The following C10orf67 variants were observed in gnomAD, a reference collection of about 807,000 sequenced individuals.
C10orf67 encodes uncharacterized protein C10orf67, mitochondrial.
In C10orf67, 60 loss-of-function variants were observed where a neutral mutation model predicts 35.6. That is an observed-to-expected ratio of 1.68 (90% CI 1.37 to 2.09). C10orf67 has a LOEUF of 2.09. C10orf67 is among the 30% of genes most tolerant of loss of function. The pLI is 0.00. For synonymous variants in C10orf67, 167 were observed against 115.8 expected, an observed-to-expected ratio of 1.44 and a Z score of -2.84; for missense variants, 474 against 330.2, an observed-to-expected ratio of 1.44 and a Z score of -3.38.
intron 2 of C10orf67, among the ~76,000 whole-genome samples, chr10:23,326,234 A>G (rs1220137516): frequency 6.6e-6 from 1 of 152,192 alleles, no homozygotes; most frequent in East Asian, 1.9e-4. Flanking sequence ...ACTTAGGTAC[A>G]TAATAATCAA....
intron 15 of C10orf67, among the ~76,000 whole-genome samples, chr10:23,223,360 C>A (rs1437964892): frequency 6.6e-6 from 1 of 152,116 alleles, no homozygotes; most frequent in East Asian, 1.9e-4. Context: ...GGATTACAGG[C>A]ATGAGCCATT....
chr10:23,273,477 T>C (rs1460214637), intron 8 of C10orf67, among the ~76,000 whole-genome samples: 2 of 152,222 alleles, frequency 1.3e-5, no homozygotes, highest in East Asian at 3.8e-4. Context: ...AAAATATATT[T>C]ATCTTCACTC....
chr10:23,301,008 G>C (rs1020477649), intron 5 of C10orf67, among the ~76,000 whole-genome samples: 1 of 152,182 alleles, frequency 6.6e-6, no homozygotes, highest in Non-Finnish European at 1.5e-5. Flanking sequence ...ATAGCCATCA[G>C]GGTTATCTGA....
intron 13 of C10orf67, among the ~76,000 whole-genome samples, chr10:23,235,410 T>C (rs1842023121): frequency 6.6e-6 from 1 of 152,062 alleles, no homozygotes; most frequent in South Asian, 2.1e-4. Flanking sequence ...AGGAAAAAAA[T>C]GTTTGTAATA....
At chr10:23,217,385 G>GTAA (rs1205985808) in intron 15 of C10orf67, among the ~76,000 whole-genome samples, 5 of 152,234 alleles carry the variant, frequency 3.3e-5, no homozygotes, top group African/African-American at 1.2e-4. Flanking sequence ...GGTACACTTG[G>GTAA]TAAGCCCATG....
In C10orf67 at chr10:23,214,168, A is replaced by G. The variant is rs1471742908; in HGVS notation, c.1570+9430T>C. Among the ~76,000 whole-genome samples, 5 of 152,128 alleles carry G rather than the reference A, an allele frequency of 3.3e-5. No homozygotes were observed. The East Asian group carries it at 9.6e-4, about 29-fold the overall frequency. On this transcript the variant is annotated intron_variant, in intron 15 of 15. Coordinates refer to ENST00000636213, the MANE Select transcript of C10orf67 (RefSeq NM_001371909.1). ...ATTTAACATAGCTTTAAAATGTATAACAAAAAACTGACAGAATTACTAACA... is the reference window on the plus strand; with the variant it reads ...ATTTAACATAGCTTTAAAATGTATAGCAAAAAACTGACAGAATTACTAACA...
intron 13 of C10orf67, among the ~76,000 whole-genome samples, chr10:23,229,486 G>T (rs1016471305): frequency 2.0e-5 from 3 of 151,472 alleles, no homozygotes; most frequent in Non-Finnish European, 2.9e-5. Flanking sequence ...TAATGTAAAT[G>T]ATGAGTTAAC....
At chr10:23,292,540 C>T (rs1043290327) in intron 5 of C10orf67, among the ~76,000 whole-genome samples, 1 of 152,096 alleles carries the variant, frequency 6.6e-6, no homozygotes, top group African/African-American at 2.4e-5. Flanking sequence ...AAAATAATTT[C>T]TCTCGACTGA....
intron 8 of C10orf67, among the ~76,000 whole-genome samples, chr10:23,277,874 G>C (rs574820440): frequency 6.6e-6 from 1 of 152,136 alleles, no homozygotes; most frequent in Non-Finnish European, 1.5e-5. Flanking sequence ...GGTTCTGCAC[G>C]CTGTACAGGA....
chr10:23,253,454 C>G (rs1842515397), intron 10 of C10orf67, among the ~76,000 whole-genome samples: 1 of 151,950 alleles, frequency 6.6e-6, no homozygotes, highest in African/African-American at 2.4e-5. Context: ...TAACAGTAGT[C>G]CAAGGAAATC....
chr10:23,323,952 T>TATATATATATATATACACACAC (rs1564513730), intron 2 of C10orf67, among the ~76,000 whole-genome samples: 4 of 64,692 alleles, frequency 6.2e-5, no homozygotes, highest in Non-Finnish European at 1.0e-4. Context: ...TATATATATA[T>TATATATATATATATACACACAC]ACACACACAC....
chr10:23,312,629 T>C (rs1564504997), intron 4 of C10orf67, among the ~76,000 whole-genome samples: 2 of 152,224 alleles, frequency 1.3e-5, no homozygotes, highest in African/African-American at 4.8e-5. Flanking sequence ...TAAATGTATC[T>C]ACACACTTAT....
In C10orf67 at chr10:23,212,526, A is replaced by AAAC. The variant is rs374777502; in HGVS notation, c.1571-8274_1571-8272dup. Among the ~76,000 whole-genome samples, 531 of 152,218 alleles carry AAAC rather than the reference A, an allele frequency of 3.5e-3. 1 individual carries two copies. Among genetic ancestry groups the AAAC allele is most frequent in the African/African-American group, 0.012 (481 of 41,526 alleles). On this transcript the variant is annotated intron_variant, in intron 15 of 15. Transcript: ENST00000636213. Reference sequence around the variant, plus strand: ...GAAGCTTTAATGAAAGAAAGTTGAGAAACAACAACAACAACAACAGTTTTT... The same window carrying AAAC: ...GAAGCTTTAATGAAAGAAAGTTGAGAAACAACAACAACAACAACAACAGTTTTT...
intron 13 of C10orf67, among the ~76,000 whole-genome samples, chr10:23,225,715 C>A (rs1209368944): frequency 1.2e-4 from 18 of 152,088 alleles, no homozygotes. Context: ...GCAAGGGTTG[C>A]AATCCTAGTC....
chr10:23,301,417 C>T (rs1471045112), intron 5 of C10orf67, among the ~76,000 whole-genome samples: 2 of 152,208 alleles, frequency 1.3e-5, no homozygotes, highest in African/African-American at 4.8e-5. Context: ...TTTTAACTGT[C>T]CGACAGGTGC....
At chr10:23,229,089 T>A (rs1437531837) in intron 13 of C10orf67, among the ~76,000 whole-genome samples, 1 of 152,104 alleles carries the variant, frequency 6.6e-6, no homozygotes, top group Non-Finnish European at 1.5e-5. Context: ...ACTGGCTATA[T>A]ACCCAAATGA....
Position 23,240,433 on chromosome 10 carries a change from C to G in C10orf67, c.1347-617G>C, listed in dbSNP as rs76519020. ...TTCTACCAGAATTCAACAAAGTCATCAAAGGTTATGTCAAAAGAACACAGT... is the reference window on the plus strand; with the variant it reads ...TTCTACCAGAATTCAACAAAGTCATGAAAGGTTATGTCAAAAGAACACAGT... On this transcript the variant is annotated intron_variant, in intron 12 of 15. Coordinates refer to ENST00000636213, the MANE Select transcript of C10orf67 (RefSeq NM_001371909.1). 5.2e-3 allele frequency among the ~76,000 whole-genome samples: 793 copies of G among 152,268 alleles called. 7 individuals are homozygous for G. Among genetic ancestry groups the G allele is most frequent in the African/African-American group, 0.018 (756 of 41,538 alleles).
chr10:23,204,240 G>A lies in C10orf67; in HGVS notation c.1586C>T (p.Ser529Phe), dbSNP rs1841097379. 1.5e-6 allele frequency: 1 copy of A among 653,614 alleles called. No homozygotes were observed. Among genetic ancestry groups the A allele is most frequent in the African/African-American group, 1.8e-5 (1 of 54,494 alleles). The allele number at this position is 653,614 out of a possible 1,614,324, so 40.5% of individuals were successfully genotyped here. A position where few individuals can be genotyped will look rare whatever the true frequency, so the allele number is the denominator to read the frequency against. Residue 529 changes from serine (S) to phenylalanine (F), a missense_variant, in exon 16 of 16, where the codon TCC (serine) becomes TTC (phenylalanine). Physicochemically the swap from Ser to Phe is radical, Grantham distance 155. Coordinates refer to ENST00000636213, the MANE Select transcript of C10orf67 (RefSeq NM_001371909.1). Reference sequence around the variant, plus strand: ...CTCCTCCAAGGACTCTTCTTTTGGGGATTCCGACAACTTCCCTAAACGTGA... The same window carrying A: ...CTCCTCCAAGGACTCTTCTTTTGGGAATTCCGACAACTTCCCTAAACGTGA... The part of the protein sequence containing the change: ...QLSPKGKLSE[S>F]PKEESLEEPS...
At position 23,238,854 on chromosome 10, in the gene C10orf67, C is replaced by A. The variant is rs983477978; in HGVS notation, c.1434+875G>T. ...TTTCAGAGAAATCAAGTATTAAAAT[C>A]CTCAGCAAGGTTACTATATAAACTT... On this transcript the variant is annotated intron_variant, in intron 13 of 15. Coordinates refer to ENST00000636213, the MANE Select transcript of C10orf67 (RefSeq NM_001371909.1). 3.3e-5 allele frequency among the ~76,000 whole-genome samples: 5 copies of A among 152,034 alleles called. No individual in the cohort carries two copies. In the South Asian group the frequency reaches 6.2e-4, roughly 19 times the overall value.
Sources: allele counts gnomAD v4.1 joint callset (sites outside exome capture counted in the v4.1 genomes callset), GRCh38; gene constraint gnomAD v4.1.1; transcripts MANE v1.5; gene names NCBI Gene and HGNC (gene_info 2026-07-23, HGNC 2026-07-21).